The following TAF8 variants were observed in gnomAD, a reference collection of about 807,000 sequenced individuals.
The protein encoded by TAF8 is transcription initiation factor TFIID subunit 8.
In TAF8, 47 loss-of-function variants were observed where a neutral mutation model predicts 36.5. That is an observed-to-expected ratio of 1.29 (90% CI 1.02 to 1.64). The LOEUF (loss-of-function observed/expected upper bound fraction) is 1.64. Among genes scored for constraint, TAF8 ranks in the 40% most tolerant of loss-of-function variants. TAF8 has a pLI of 0.00. For missense variants in TAF8, 420 were observed against 407.6 expected (o/e 1.03, Z -0.26); for synonymous variants, 175 against 159.5 (o/e 1.10, Z -0.73).
intron 7 of TAF8, among the ~76,000 whole-genome samples, chr6:42,072,924 C>T (rs1036164470): frequency 6.6e-6 from 1 of 151,808 alleles, no homozygotes; most frequent in Non-Finnish European, 1.5e-5. Flanking sequence ...GGGGTTTCAC[C>T]GTGTTAGCCA....
At chr6:42,074,384 T>C (rs1562020278) in intron 7 of TAF8, among the ~76,000 whole-genome samples, 1 of 152,100 alleles carries the variant, frequency 6.6e-6, no homozygotes, top group Non-Finnish European at 1.5e-5. Flanking sequence ...AGGGAGCTGT[T>C]GGCGTAGAGA....
In TAF8 at chr6:42,076,036, C is replaced by T. The variant is rs980460914; in HGVS notation, c.781-1064C>T. Among the ~76,000 whole-genome samples, 7 of 152,152 alleles carry T rather than the reference C, an allele frequency of 4.6e-5. No individual in the cohort carries two copies. In the East Asian group the frequency reaches 1.4e-3, roughly 29 times the overall value. ...CATCCTGGCTAACATGGTGAAACCC[C>T]GTCTCTACTAAAAATAAAAAACTTA... On this transcript the variant is annotated intron_variant, in intron 7 of 8. Transcript: ENST00000372977.
At position 42,079,413 on chromosome 6, in the gene TAF8, G is replaced by A. The variant is rs1196570881; in HGVS notation, c.*1868G>A. ...TGCTGGGCATGCTGATAGCTTTTCT[G>A]GTCTCCTAAGGAAGAGTTTTTAAAA... On this transcript the variant is annotated 3_prime_UTR_variant, in exon 9 of 9. Transcript: ENST00000372977. 4 of 985,240 alleles carry A rather than the reference G, an allele frequency of 4.1e-6. No homozygotes were observed. The highest frequency in any genetic ancestry group is 4.8e-6 in the Non-Finnish European group (4 of 829,942). The allele number at this position is 985,240 out of a possible 1,614,324, so 61.0% of individuals were successfully genotyped here.
chr6:42,076,279 G>A (rs186797519), intron 7 of TAF8, among the ~76,000 whole-genome samples: 10 of 151,682 alleles, frequency 6.6e-5, no homozygotes, highest in Admixed American at 5.3e-4. Context: ...GTAAAACCCC[G>A]TCTCTACTAA....
At chr6:42,061,876 A>G (rs1765200251) in intron 5 of TAF8, among the ~76,000 whole-genome samples, 1 of 152,174 alleles carries the variant, frequency 6.6e-6, no homozygotes, top group Admixed American at 6.5e-5. Flanking sequence ...AAAACACTGG[A>G]TATCACAAAA....
At chr6:42,077,070 G>A (rs1181605742) in intron 7 of TAF8, 30 bp from the exon 8 acceptor site, 3 of 1,599,264 alleles carry the variant, frequency 1.9e-6, no homozygotes, top group East Asian at 2.2e-5. Flanking sequence ...TGCTGTTGAT[G>A]TTGTGCTTTA....
downstream of TAF8, chr6:42,086,734 G>A: frequency 3.2e-6 from 5 of 1,551,246 alleles, no homozygotes; most frequent in Non-Finnish European, 4.4e-6. Context: ...ATACATTCTA[G>A]AGAATTGTGA....
chr6:42,069,764 CATG>C (rs1470702730), intron 7 of TAF8, among the ~76,000 whole-genome samples: 1 of 152,138 alleles, frequency 6.6e-6, no homozygotes, highest in Non-Finnish European at 1.5e-5. Flanking sequence ...TGTCTAAAAA[CATG>C]AGCGTGGATG....
intron 2 of TAF8, chr6:42,051,897 C>CAGA (rs1764806221): frequency 6.2e-6 from 1 of 162,264 alleles, no homozygotes; most frequent in South Asian, 1.4e-4. Flanking sequence ...ATCTGGGAGG[C>CAGA]AGAGGTTACA....
At position 42,078,026 on chromosome 6, in the gene TAF8, G is replaced by A. The variant is rs1433915354; in HGVS notation, c.*481G>A. The A allele has an allele frequency of 2.9e-5, 6 of 205,768 alleles. No homozygotes were observed. Among genetic ancestry groups the A allele is most frequent in the South Asian group, 3.2e-4 (2 of 6,304 alleles). 12.7% of individuals were successfully genotyped at this position (205,768 alleles called of 1,614,324 possible). A position where few individuals can be genotyped will look rare whatever the true frequency, so the allele number is the denominator to read the frequency against. Reference sequence around the variant, plus strand: ...CCGCATTGGCCTCCCAAAGAGTTGCGATTACAGGTGTGAGCCACCACGCCC... The same window carrying A: ...CCGCATTGGCCTCCCAAAGAGTTGCAATTACAGGTGTGAGCCACCACGCCC... On this transcript the variant is annotated 3_prime_UTR_variant, in exon 9 of 9. Transcript: ENST00000372977.
At chr6:42,072,806 T>G (rs1411177144) in intron 7 of TAF8, among the ~76,000 whole-genome samples, 1 of 152,068 alleles carries the variant, frequency 6.6e-6, no homozygotes, top group Non-Finnish European at 1.5e-5. Context: ...CGCTGCAAGC[T>G]CCGCCTCCCG....
chr6:42,078,512 C>G lies in TAF8; in HGVS notation c.*967C>G. 1 of 985,478 alleles carries G rather than the reference C, an allele frequency of 1.0e-6. No individual in the cohort carries two copies. The highest frequency in any genetic ancestry group is 1.2e-6 in the Non-Finnish European group (1 of 829,948). 61.0% of individuals were successfully genotyped at this position (985,478 alleles called of 1,614,324 possible). On this transcript the variant is annotated 3_prime_UTR_variant, in exon 9 of 9. Coordinates refer to ENST00000372977, the MANE Select transcript of TAF8 (RefSeq NM_138572.3). ...AGTTCTTTGTACTCCCTCAACGTGTCGGAAACAGGAGGCCACACAGCACAG... is the reference window on the plus strand; with the variant it reads ...AGTTCTTTGTACTCCCTCAACGTGTGGGAAACAGGAGGCCACACAGCACAG...
At position 42,057,480 on chromosome 6, in the gene TAF8, G is replaced by A. The variant is rs1165081918; in HGVS notation, c.456G>A (p.Glu152=). The change falls in exon 5 of 9, where the codon GAG becomes GAA. Residue 152 remains glutamate (E), a synonymous_variant. Transcript: ENST00000372977. Reference sequence around the variant, plus strand: ...CGCACATCCCCAGCCATTTTCCTGAGTTCCCTGATCCCCACACCTACATCA... The same window carrying A: ...CGCACATCCCCAGCCATTTTCCTGAATTCCCTGATCCCCACACCTACATCA... The part of the protein sequence containing the change: ...HPPHIPSHFP[E]FPDPHTYIKT... 2 of 1,614,012 alleles carry A rather than the reference G, an allele frequency of 1.2e-6. No individual in the cohort carries two copies. The highest frequency in any genetic ancestry group is 1.7e-6 in the Non-Finnish European group (2 of 1,180,060).
chr6:42,067,121 G>T (rs767647919), intron 6 of TAF8, among the ~76,000 whole-genome samples: 1 of 152,188 alleles, frequency 6.6e-6, no homozygotes, highest in Non-Finnish European at 1.5e-5. Context: ...GAAGAGAAAT[G>T]AAGTCACTTC....
In TAF8 at chr6:42,079,814, A is replaced by C. The variant is rs2127466304; in HGVS notation, c.*2269A>C. ...AGTGATCCACCCGCCTTGGCCTTCC[A>C]AAGTGTTGAGATTACAGGCGTGAGC... is the stretch of plus-strand genomic sequence containing the variant. On this transcript the variant is annotated 3_prime_UTR_variant, in exon 9 of 9. Transcript: ENST00000372977. 1.0e-6 allele frequency: 1 copy of C among 982,124 alleles called. No homozygotes were observed. Among genetic ancestry groups the C allele is most frequent in the South Asian group, 4.7e-5 (1 of 21,206 alleles). The allele number at this position is 982,124 out of a possible 1,614,324, so 60.8% of individuals were successfully genotyped here. A position where few individuals can be genotyped will look rare whatever the true frequency, so the allele number is the denominator to read the frequency against.
At chr6:42,065,019 G>A (rs376848389) in intron 5 of TAF8, among the ~76,000 whole-genome samples, 1 of 148,650 alleles carries the variant, frequency 6.7e-6, no homozygotes, top group Non-Finnish European at 1.5e-5. Flanking sequence ...TTTATTGGTC[G>A]TTGTTAAAAT....
rs1012479693 is a variant in TAF8 at position 42,072,513 on chromosome 6, A to C, written c.780+3906A>C. ...ATTTTGAACTGAAACAGCAGATCAC[A>C]AACTGTTCTCTTCTTGCTTTTTTCC... On this transcript the variant is annotated intron_variant, in intron 7 of 8. Coordinates refer to ENST00000372977, the MANE Select transcript of TAF8 (RefSeq NM_138572.3). Among the ~76,000 whole-genome samples, 4 of 152,052 alleles carry C rather than the reference A, an allele frequency of 2.6e-5. No individual in the cohort carries two copies. In the South Asian group the frequency reaches 8.3e-4, roughly 32 times the overall value.
rs76764466 is a variant in TAF8 at position 42,080,308 on chromosome 6, A to C, written c.*2763A>C. 5.4e-3 allele frequency: 5,338 copies of C among 986,654 alleles called. 191 individuals carry two copies. In the African/African-American group the frequency reaches 0.079, roughly 15 times the overall value. The allele number at this position is 986,654 out of a possible 1,614,324, so 61.1% of individuals were successfully genotyped here. On this transcript the variant is annotated 3_prime_UTR_variant, in exon 9 of 9. Transcript: ENST00000372977. ...GCAGATGTGCTGAGTTAGAGGTGGG[A>C]TTTGGAAAAGGGCTGCTATTTCTGC...
Position 42,079,077 on chromosome 6 carries a change from G to A in TAF8, c.*1532G>A, listed in dbSNP as rs1470118239. 6.2e-6 allele frequency: 5 copies of A among 803,674 alleles called. No individual in the cohort carries two copies. The highest frequency in any genetic ancestry group is 6.2e-5 in the Admixed American group (1 of 16,038). 49.8% of individuals were successfully genotyped at this position (803,674 alleles called of 1,614,324 possible). On this transcript the variant is annotated 3_prime_UTR_variant, in exon 9 of 9. Coordinates refer to ENST00000372977, the MANE Select transcript of TAF8 (RefSeq NM_138572.3). Reference sequence around the variant, plus strand: ...GCGGAGGTTGCAGTGAGCCGAGATCGTGCCACTGCACTCCAGCCTGGGTGA... The same window carrying A: ...GCGGAGGTTGCAGTGAGCCGAGATCATGCCACTGCACTCCAGCCTGGGTGA...
Sources: gnomAD v4.1 joint callset for allele counts (sites outside exome capture counted in the v4.1 genomes callset) on GRCh38, gnomAD v4.1.1 for gene constraint, MANE v1.5 for transcripts, NCBI Gene and HGNC (gene_info 2026-07-23, HGNC 2026-07-21) for gene names.